Variants in SGCZ observed in about 807,000 individuals in gnomAD.
The protein encoded by SGCZ is sarcoglycan zeta.
A neutral mutation model predicts 41.3 loss-of-function variants in SGCZ; 40 were observed. The observed-to-expected ratio is 0.97, with a 90% CI of 0.75 to 1.26. The LOEUF (loss-of-function observed/expected upper bound fraction) is 1.26, where lower values mean the gene tolerates loss of function less well. Among genes scored for constraint, SGCZ ranks in the 50% most tolerant of loss-of-function variants. The pLI is 0.00. For missense variants in SGCZ, 552 were observed against 369.8 expected (o/e 1.49, Z -4.04); for synonymous variants, 206 against 137.5 (o/e 1.50, Z -3.49).
At chr8:14,101,970 C>T (rs1802035718) in intron 7 of SGCZ, among the ~76,000 whole-genome samples, 2 of 151,620 alleles carry the variant, frequency 1.3e-5, no homozygotes, top group Middle Eastern at 3.4e-3. Flanking sequence ...GCAAGCTCCG[C>T]CTCCCATGGG....
At chr8:14,611,460 C>G (rs532084285) in intron 1 of SGCZ, among the ~76,000 whole-genome samples, 3 of 152,096 alleles carry the variant, frequency 2.0e-5, no homozygotes, top group East Asian at 3.9e-4. Context: ...GCTTTAAATT[C>G]CATTTTATCG....
intron 4 of SGCZ, among the ~76,000 whole-genome samples, chr8:14,188,388 C>T (rs923688979): frequency 2.6e-5 from 4 of 152,046 alleles, no homozygotes; most frequent in African/African-American, 7.2e-5. Context: ...AGCAGTGATA[C>T]GTACTGCAAC....
chr8:14,678,670 C>T (rs766516528), intron 1 of SGCZ, among the ~76,000 whole-genome samples: 3 of 152,176 alleles, frequency 2.0e-5, no homozygotes, highest in Non-Finnish European at 2.9e-5. Flanking sequence ...TATGATCCAG[C>T]AATCGTGCTC....
intron 1 of SGCZ, among the ~76,000 whole-genome samples, chr8:15,029,507 A>C (rs1803580934): frequency 6.6e-6 from 1 of 152,122 alleles, no homozygotes; most frequent in Admixed American, 6.5e-5. Flanking sequence ...TGTTAACTAC[A>C]ATTTTGAAAC....
intron 5 of SGCZ, among the ~76,000 whole-genome samples, chr8:14,112,145 T>C (rs146662136): frequency 6.2e-4 from 95 of 152,190 alleles, no homozygotes; most frequent in South Asian, 3.1e-3. Context: ...ACACCTCACA[T>C]TGAGAAAAAG....
chr8:15,084,737 G>C (rs1355273631), intron 1 of SGCZ, among the ~76,000 whole-genome samples: 2 of 152,146 alleles, frequency 1.3e-5, no homozygotes, highest in African/African-American at 4.8e-5. Context: ...GGGCAATGGA[G>C]TGAGACTCCA....
At chr8:14,180,741 G>A (rs1041965345) in intron 4 of SGCZ, among the ~76,000 whole-genome samples, 1 of 151,958 alleles carries the variant, frequency 6.6e-6, no homozygotes, top group South Asian at 2.1e-4. Flanking sequence ...AACCCTCAGG[G>A]TTACCTCTGA....
At chr8:14,440,863 A>C (rs1033221192) in intron 2 of SGCZ, among the ~76,000 whole-genome samples, 2 of 151,850 alleles carry the variant, frequency 1.3e-5, no homozygotes, top group Non-Finnish European at 2.9e-5. Context: ...ACACACACAC[A>C]CACACACACG....
At chr8:14,349,977 C>G (rs780636113) in intron 2 of SGCZ, among the ~76,000 whole-genome samples, 1 of 152,014 alleles carries the variant, frequency 6.6e-6, no homozygotes, top group Non-Finnish European at 1.5e-5. Flanking sequence ...TCCAAATTTA[C>G]TGGCAAATTA....
At chr8:15,183,572 C>A (rs1585649528) in intron 1 of SGCZ, among the ~76,000 whole-genome samples, 1 of 152,232 alleles carries the variant, frequency 6.6e-6, no homozygotes, top group East Asian at 1.9e-4. Context: ...GATTAGAGGG[C>A]TTTAATTTAG....
chr8:14,595,402 C>CACACG (rs1805377283), intron 1 of SGCZ, among the ~76,000 whole-genome samples: 1 of 105,130 alleles, frequency 9.5e-6, no homozygotes, highest in African/African-American at 3.9e-5. Context: ...CATGCACAAA[C>CACACG]ACACACACAC....
intron 1 of SGCZ, among the ~76,000 whole-genome samples, chr8:15,235,635 G>A (rs1484349478): frequency 6.6e-6 from 1 of 152,102 alleles, no homozygotes; most frequent in East Asian, 1.9e-4. Flanking sequence ...CTAGACATAA[G>A]TTTCCCCAGT....
At chr8:14,838,863 AAG>A (rs1802799565) in intron 1 of SGCZ, among the ~76,000 whole-genome samples, 1 of 152,116 alleles carries the variant, frequency 6.6e-6, no homozygotes, top group African/African-American at 2.4e-5. Context: ...TACATCAATT[AAG>A]AGAGTCAGCA....
In SGCZ at chr8:14,550,961, C is replaced by A. The variant is rs544694767; in HGVS notation, c.234+3771G>T. ...TTTTTCTTTCAGCCAACTTTCTTCCCAATGATCACGCAAGACTTCTTTCCC... is the reference window on the plus strand; with the variant it reads ...TTTTTCTTTCAGCCAACTTTCTTCCAAATGATCACGCAAGACTTCTTTCCC... On this transcript the variant is annotated intron_variant, in intron 2 of 7. Coordinates refer to ENST00000382080, the MANE Select transcript of SGCZ (RefSeq NM_139167.4). Among the ~76,000 whole-genome samples, 19 of 152,026 alleles carry A rather than the reference C, an allele frequency of 1.2e-4. No homozygotes were observed. In the East Asian group the frequency reaches 3.7e-3, roughly 30 times the overall value.
chr8:14,388,217 A>G (rs762136636), intron 2 of SGCZ, among the ~76,000 whole-genome samples: 3 of 152,110 alleles, frequency 2.0e-5, no homozygotes, highest in South Asian at 2.1e-4. Flanking sequence ...AAAAAATCCT[A>G]ATTTCCAAGG....
chr8:14,522,539 C>T (rs1241007714), intron 2 of SGCZ, among the ~76,000 whole-genome samples: 2 of 151,582 alleles, frequency 1.3e-5, no homozygotes, highest in Non-Finnish European at 2.9e-5. Flanking sequence ...CTTTTTTATC[C>T]TTTTGATGTC....
intron 1 of SGCZ, among the ~76,000 whole-genome samples, chr8:15,133,147 T>TAA (rs1563142943): frequency 2.0e-5 from 3 of 151,418 alleles, no homozygotes; most frequent in African/African-American, 7.3e-5. Flanking sequence ...TGTCTCAAAA[T>TAA]ATATAAATAA....
intron 1 of SGCZ, among the ~76,000 whole-genome samples, chr8:14,572,915 C>T (rs1229513225): frequency 1.3e-5 from 2 of 152,092 alleles, no homozygotes; most frequent in Non-Finnish European, 2.9e-5. Context: ...GCTGTTTCTG[C>T]AATGAATATT....
chr8:15,075,450 G>C (rs1322218419), intron 1 of SGCZ, among the ~76,000 whole-genome samples: 2 of 152,128 alleles, frequency 1.3e-5, no homozygotes, highest in East Asian at 3.9e-4. Context: ...ACTTTTGTAA[G>C]TATCTTTTTT....
Sources: allele counts gnomAD v4.1 joint callset (sites outside exome capture counted in the v4.1 genomes callset), GRCh38; gene constraint gnomAD v4.1.1; transcripts MANE v1.5; gene names NCBI Gene and HGNC (gene_info 2026-07-23, HGNC 2026-07-21).